The following XKR4 variants were observed in gnomAD, a reference collection of about 807,000 sequenced individuals.
The protein encoded by XKR4 is XK-related protein 4.
XKR4 carries 12 observed loss-of-function variants against 53.9 expected under a neutral mutation model. The observed-to-expected ratio is 0.22, with a 90% CI of 0.14 to 0.36. XKR4 has a LOEUF of 0.36. Ranked by LOEUF, XKR4 falls within the 10% of genes least tolerant of loss-of-function variation. The pLI, the probability that XKR4 is intolerant of heterozygous loss-of-function variation, is 1.00. For missense variants in XKR4, 799 were observed against 859.5 expected, an observed-to-expected ratio of 0.93 and a Z score of 0.88; for synonymous variants, 354 against 362.4, an observed-to-expected ratio of 0.98 and a Z score of 0.26.
intron 2 of XKR4, among the ~76,000 whole-genome samples, chr8:55,378,617 AG>A (rs886559815): frequency 2.0e-5 from 3 of 152,158 alleles, no homozygotes; most frequent in African/African-American, 7.2e-5. Context: ...CTTAAGTGGA[AG>A]GGCATTTTAT....
At chr8:55,505,563 A>G (rs61602607) in intron 2 of XKR4, among the ~76,000 whole-genome samples, 1 of 152,132 alleles carries the variant, frequency 6.6e-6, no homozygotes, top group Non-Finnish European at 1.5e-5. Context: ...AAACAAACAA[A>G]TTTTTAAAAA....
chr8:55,315,979 C>A (rs969657262), intron 1 of XKR4, among the ~76,000 whole-genome samples: 8 of 152,170 alleles, frequency 5.3e-5, no homozygotes, highest in African/African-American at 1.9e-4. Context: ...AGAGTCCCTG[C>A]TACTCTGGGA....
Position 55,177,317 on chromosome 8 carries a change from G to A in XKR4, c.806+74023G>A, listed in dbSNP as rs113880286. Among the ~76,000 whole-genome samples the A allele has an allele frequency of 2.4e-3, 362 of 152,260 alleles. 1 individual carries two copies. Among genetic ancestry groups the A allele is most frequent in the African/African-American group, 8.1e-3 (338 of 41,552 alleles). Reference sequence around the variant, plus strand: ...CTCCCAAAGTGCTGGGATTACAGGCGTGAGCCACCATGCCTGACCACTTCT... The same window carrying A: ...CTCCCAAAGTGCTGGGATTACAGGCATGAGCCACCATGCCTGACCACTTCT... On this transcript the variant is annotated intron_variant, in intron 1 of 2. Coordinates refer to ENST00000327381, the MANE Select transcript of XKR4 (RefSeq NM_052898.2).
rs778756853 is a variant in XKR4, at chr8:55,435,977, C to A, written c.1006+78100C>A. On this transcript the variant is annotated intron_variant, in intron 2 of 2. Transcript: ENST00000327381. Reference sequence around the variant, plus strand: ...CACATTCCCTGCAACATTTTCTGCACAGTGAGCTGCCCCAAACAAGCTGCC... The same window carrying A: ...CACATTCCCTGCAACATTTTCTGCAAAGTGAGCTGCCCCAAACAAGCTGCC... Among the ~76,000 whole-genome samples, 120 of 152,168 alleles carry A rather than the reference C, an allele frequency of 7.9e-4. 1 individual carries two copies. The highest frequency in any genetic ancestry group is 4.0e-4 in the Non-Finnish European group (27 of 68,038).
At chr8:55,257,504 A>T (rs1344776862) in intron 1 of XKR4, among the ~76,000 whole-genome samples, 1 of 152,136 alleles carries the variant, frequency 6.6e-6, no homozygotes, top group Non-Finnish European at 1.5e-5. Flanking sequence ...GAAGAAAAAG[A>T]GTTCCTGCTC....
chr8:55,322,601 A>T (rs1803231449), intron 1 of XKR4, among the ~76,000 whole-genome samples: 1 of 152,244 alleles, frequency 6.6e-6, no homozygotes, highest in African/African-American at 2.4e-5. Flanking sequence ...CCATTAGAGA[A>T]GACGAGTTCT....
rs112198603 is a variant in XKR4, at chr8:55,433,424, A to C, written c.1006+75547A>C. Among the ~76,000 whole-genome samples, 50 of 152,350 alleles carry C rather than the reference A, an allele frequency of 3.3e-4. 1 individual carries two copies. The highest frequency in any genetic ancestry group is 1.2e-3 in the African/African-American group (48 of 41,594). ...TAATATAGGAAGAGATAATAATAAT[A>C]AATCATTAACTTGGGCTCTGTTTAC... On this transcript the variant is annotated intron_variant, in intron 2 of 2. Transcript: ENST00000327381.
chr8:55,286,511 C>T (rs1818908795), intron 1 of XKR4, among the ~76,000 whole-genome samples: 1 of 152,080 alleles, frequency 6.6e-6, no homozygotes, highest in Non-Finnish European at 1.5e-5. Context: ...GATACGGGGG[C>T]ATGCATATTG....
intron 1 of XKR4, among the ~76,000 whole-genome samples, chr8:55,299,472 G>T (rs1489670206): frequency 2.6e-5 from 4 of 152,152 alleles, no homozygotes; most frequent in African/African-American, 9.7e-5. Context: ...AAGCATTGGG[G>T]ATCACTGGGG....
At chr8:55,264,496 A>T (rs902407511) in intron 1 of XKR4, among the ~76,000 whole-genome samples, 4 of 152,246 alleles carry the variant, frequency 2.6e-5, no homozygotes, top group African/African-American at 9.6e-5. Context: ...TAGGGTTACT[A>T]GAACAATCAG....
chr8:55,330,333 C>A (rs1185910181), intron 1 of XKR4, among the ~76,000 whole-genome samples: 1 of 151,968 alleles, frequency 6.6e-6, no homozygotes, highest in African/African-American at 2.4e-5. Flanking sequence ...AGTTTCCTCA[C>A]CTGAAAAATT....
intron 1 of XKR4, among the ~76,000 whole-genome samples, chr8:55,110,895 A>G (rs899915): frequency 0.56 from 84,547 of 151,908 alleles, 24,575 homozygotes; most frequent in South Asian, 0.74. Flanking sequence ...TAAAACATCA[A>G]TTCTACATCT....
chr8:55,411,839 G>A lies in XKR4; in HGVS notation c.1006+53962G>A, dbSNP rs190142557. ...CTCAGGCCCAGCACTGCCTGACAGC[G>A]CTCTGCTGCAGCCACCCATGAAGGA... On this transcript the variant is annotated intron_variant, in intron 2 of 2. Transcript: ENST00000327381. Among the ~76,000 whole-genome samples, 218 of 152,286 alleles carry A rather than the reference G, an allele frequency of 1.4e-3. 2 individuals are homozygous for A. Among genetic ancestry groups the A allele is most frequent in the South Asian group, 5.0e-3 (24 of 4,830 alleles).
At chr8:55,146,877 A>C (rs1389450926) in intron 1 of XKR4, among the ~76,000 whole-genome samples, 1 of 152,194 alleles carries the variant, frequency 6.6e-6, no homozygotes, top group Non-Finnish European at 1.5e-5. Flanking sequence ...CCCTTTGGGT[A>C]GGGGAGGGGG....
chr8:55,300,309 A>G (rs560353597), intron 1 of XKR4, among the ~76,000 whole-genome samples: 2 of 152,282 alleles, frequency 1.3e-5, no homozygotes, highest in Non-Finnish European at 2.9e-5. Flanking sequence ...TAAATGACAG[A>G]TGCAGGAGCT....
At chr8:55,473,733 G>T (rs1241678272) in intron 2 of XKR4, among the ~76,000 whole-genome samples, 1 of 152,016 alleles carries the variant, frequency 6.6e-6, no homozygotes, top group Non-Finnish European at 1.5e-5. Flanking sequence ...TCTTATATTG[G>T]CTATAATGGT....
Position 55,478,272 on chromosome 8 carries a change from A to G in XKR4, c.1007-45009A>G, listed in dbSNP as rs184591319. Among the ~76,000 whole-genome samples the G allele has an allele frequency of 6.5e-4, 99 of 152,240 alleles. 1 individual carries two copies. Among genetic ancestry groups the G allele is most frequent in the African/African-American group, 2.4e-3 (98 of 41,496 alleles). ...AACATTCTTAAAAAAAGAATTTTCA[A>G]CCCAGAATTTCATATCCAGCCAAAC... On this transcript the variant is annotated intron_variant, in intron 2 of 2. Transcript: ENST00000327381.
Position 55,531,004 on chromosome 8 carries a change from C to T in XKR4, c.*6777C>T, listed in dbSNP as rs17364239. 30,057 of 152,238 alleles carry T rather than the reference C, an allele frequency of 0.2. 3,494 individuals carry two copies. The highest frequency in any genetic ancestry group is 0.3 in the Middle Eastern group (89 of 294). 9.4% of individuals were successfully genotyped at this position (152,238 alleles called of 1,614,324 possible). A position where few individuals can be genotyped will look rare whatever the true frequency, so the allele number is the denominator to read the frequency against. Reference sequence around the variant, plus strand: ...TAGCAGCACAATCATAGTTTTCTGACGCCAGCTCTTACTCTTTTCTACTCT... The same window carrying T: ...TAGCAGCACAATCATAGTTTTCTGATGCCAGCTCTTACTCTTTTCTACTCT... On this transcript the variant is annotated 3_prime_UTR_variant, in exon 3 of 3. Coordinates refer to ENST00000327381, the MANE Select transcript of XKR4 (RefSeq NM_052898.2).
Position 55,503,141 on chromosome 8 carries a change from A to AT in XKR4, c.1007-20131dup, listed in dbSNP as rs554396117. ...TTTCAAATCAGAAATTGTGATTCAA[A>AT]TTTTTTTTTCAAGATTATTTTTGCT... On this transcript the variant is annotated intron_variant, in intron 2 of 2. Coordinates refer to ENST00000327381, the MANE Select transcript of XKR4 (RefSeq NM_052898.2). Among the ~76,000 whole-genome samples the AT allele has an allele frequency of 3.2e-4, 48 of 150,890 alleles. 2 individuals are homozygous for AT. In the South Asian group the frequency reaches 9.0e-3, roughly 28 times the overall value.
Sources: gnomAD v4.1 joint callset for allele counts (sites outside exome capture counted in the v4.1 genomes callset) on GRCh38, gnomAD v4.1.1 for gene constraint, MANE v1.5 for transcripts, NCBI Gene and HGNC (gene_info 2026-07-23, HGNC 2026-07-21) for gene names.